Variants in EYS observed in about 807,000 individuals in gnomAD.
EYS encodes EGF-like photoreceptor maintenance factor.
EYS carries 250 observed loss-of-function variants against 282.1 expected under a neutral mutation model. The observed-to-expected ratio is 0.89, with a 90% CI of 0.80 to 0.98. The LOEUF is 0.98. Among genes scored for constraint, EYS ranks in the 50% least tolerant of loss-of-function variants. EYS has a pLI of 0.00. For missense variants in EYS, 4,016 were observed against 3,709.0 expected, an observed-to-expected ratio of 1.08 and a Z score of -2.15; for synonymous variants, 1,355 against 1,282.9, an observed-to-expected ratio of 1.06 and a Z score of -1.20.
At chr6:64,979,633 A>C (rs1770586346) in intron 14 of EYS, among the ~76,000 whole-genome samples, 1 of 151,618 alleles carries the variant, frequency 6.6e-6, no homozygotes, top group Non-Finnish European at 1.5e-5. Context: ...ATTAATTTAT[A>C]GCTGTAATGG....
chr6:65,585,005 G>A (rs1402975039), intron 2 of EYS, among the ~76,000 whole-genome samples: 2 of 151,264 alleles, frequency 1.3e-5, no homozygotes, highest in African/African-American at 2.4e-5. Flanking sequence ...TTATGTTTCT[G>A]TTCATGCTTC....
intron 11 of EYS, among the ~76,000 whole-genome samples, chr6:65,318,052 A>G (rs1294970454): frequency 1.3e-5 from 2 of 151,174 alleles, no homozygotes; most frequent in Non-Finnish European, 2.9e-5. Flanking sequence ...TATTTTCAGT[A>G]GAGACGGGAT....
intron 33 of EYS, among the ~76,000 whole-genome samples, chr6:64,022,180 TAAA>T (rs755611088): frequency 8.5e-5 from 13 of 152,218 alleles, no homozygotes; most frequent in Non-Finnish European, 1.9e-4. Flanking sequence ...CATTCTCCAT[TAAA>T]TTGAATATGT....
chr6:65,102,936 C>G (rs1160516234), intron 12 of EYS, among the ~76,000 whole-genome samples: 1 of 151,358 alleles, frequency 6.6e-6, no homozygotes, highest in Non-Finnish European at 1.5e-5. Flanking sequence ...TGTGACATGA[C>G]ATGACTGTAC....
chr6:63,751,313 A>G (rs1769335178), intron 41 of EYS, among the ~76,000 whole-genome samples: 1 of 152,186 alleles, frequency 6.6e-6, no homozygotes, highest in Non-Finnish European at 1.5e-5. Context: ...ATTTTGTTTA[A>G]TAAAAAACAT....
intron 36 of EYS, among the ~76,000 whole-genome samples, chr6:63,812,954 C>T (rs1340222265): frequency 1.3e-5 from 2 of 151,984 alleles, no homozygotes; most frequent in South Asian, 2.1e-4. Context: ...GGCATAGGGA[C>T]CCCTAACCTG....
chr6:64,375,528 G>T (rs1174195814), intron 29 of EYS, among the ~76,000 whole-genome samples: 1 of 152,154 alleles, frequency 6.6e-6, no homozygotes, highest in Non-Finnish European at 1.5e-5. Context: ...TGCTTTCTTT[G>T]TAATATACCA....
At chr6:64,483,570 T>C (rs1178041413) in intron 26 of EYS, among the ~76,000 whole-genome samples, 1 of 151,656 alleles carries the variant, frequency 6.6e-6, no homozygotes, top group Non-Finnish European at 1.5e-5. Context: ...TTCTCTCTGG[T>C]GACCCCCAGG....
chr6:64,896,858 G>T (rs938579255), intron 18 of EYS, among the ~76,000 whole-genome samples: 4 of 152,154 alleles, frequency 2.6e-5, no homozygotes, highest in Admixed American at 6.5e-5. Flanking sequence ...GTGGAGGGGG[G>T]GGCCACCACA....
chr6:64,739,710 C>A (rs1046555965), intron 22 of EYS, among the ~76,000 whole-genome samples: 21 of 152,160 alleles, frequency 1.4e-4, no homozygotes, highest in Admixed American at 1.0e-3. Context: ...TAAAAAATTT[C>A]TATTTACCAC....
chr6:63,741,210 C>A (rs1769067648), intron 41 of EYS, among the ~76,000 whole-genome samples: 5 of 152,116 alleles, frequency 3.3e-5, no homozygotes, highest in Admixed American at 3.3e-4. Flanking sequence ...CACTCATGAT[C>A]ACCACTTTTA....
intron 22 of EYS, among the ~76,000 whole-genome samples, chr6:64,652,289 G>A (rs1768590564): frequency 6.6e-6 from 1 of 152,142 alleles, no homozygotes; most frequent in Non-Finnish European, 1.5e-5. Context: ...AATCTAATCA[G>A]GTGAGCTCAT....
intron 12 of EYS, among the ~76,000 whole-genome samples, chr6:65,283,372 T>C (rs1383346800): frequency 6.6e-6 from 1 of 152,054 alleles, no homozygotes; most frequent in Non-Finnish European, 1.5e-5. Flanking sequence ...GTTGTTTATA[T>C]GGATTAGAAA....
At chr6:63,788,439 A>G (rs1385160805) in intron 38 of EYS, among the ~76,000 whole-genome samples, 190 bp from the exon 39 acceptor site, 7 of 152,208 alleles carry the variant, frequency 4.6e-5, no homozygotes, top group Non-Finnish European at 7.3e-5. Context: ...ATATATTAAT[A>G]TAGCAGTCAT....
intron 26 of EYS, among the ~76,000 whole-genome samples, chr6:64,481,632 CA>C: frequency 6.6e-6 from 1 of 151,362 alleles, no homozygotes; most frequent in South Asian, 2.1e-4. Flanking sequence ...AGTCCTGAAA[CA>C]AACTCAGAGA....
At chr6:64,334,238 A>T (rs998355900) in intron 29 of EYS, among the ~76,000 whole-genome samples, 3 of 152,134 alleles carry the variant, frequency 2.0e-5, no homozygotes, top group African/African-American at 7.2e-5. Flanking sequence ...GCAGGGTTAT[A>T]TTGGATCTGT....
chr6:64,319,639 G>T (rs1334411730), intron 29 of EYS, among the ~76,000 whole-genome samples: 8 of 151,808 alleles, frequency 5.3e-5, no homozygotes, highest in Non-Finnish European at 1.2e-4. Context: ...ATATGTGTGT[G>T]CATGTGTGTG....
At chr6:64,987,391 A>C (rs758681731) in intron 14 of EYS, among the ~76,000 whole-genome samples, 1 of 151,636 alleles carries the variant, frequency 6.6e-6, no homozygotes, top group African/African-American at 2.4e-5. Flanking sequence ...AAAAACACAG[A>C]GTCTCAACCT....
chr6:64,315,278 G>A (rs761482981), intron 29 of EYS, among the ~76,000 whole-genome samples: 2 of 152,088 alleles, frequency 1.3e-5, no homozygotes, highest in African/African-American at 4.8e-5. Flanking sequence ...GTAATTAATA[G>A]CCTACCAACC....
Sources: gnomAD v4.1 joint callset for allele counts (sites outside exome capture counted in the v4.1 genomes callset) on GRCh38, gnomAD v4.1.1 for gene constraint, MANE v1.5 for transcripts, NCBI Gene and HGNC (gene_info 2026-07-23, HGNC 2026-07-21) for gene names.